Variants in NECAB1 observed in about 807,000 individuals in gnomAD.
The protein encoded by NECAB1 is N-terminal EF-hand calcium-binding protein 1.
A neutral mutation model predicts 57.5 loss-of-function variants in NECAB1; 29 were observed. The ratio of observed to expected loss-of-function variants is 0.50; its 90% CI spans 0.38 to 0.69. The LOEUF is 0.69. NECAB1 is among the 30% of genes least tolerant of loss of function. The probability of loss-of-function intolerance (pLI) is 0.00; values close to 1 mark genes in which losing one functional copy is unlikely to be tolerated. For missense variants in NECAB1, 372 were observed against 413.8 expected (o/e 0.90, Z 0.88); for synonymous variants, 142 against 147.7 (o/e 0.96, Z 0.28).
At chr8:90,953,402 A>G (rs1478956231) in intron 12 of NECAB1, among the ~76,000 whole-genome samples, 1 of 152,232 alleles carries the variant, frequency 6.6e-6, no homozygotes, top group Non-Finnish European at 1.5e-5. Context: ...AAAACTGACT[A>G]CAGATAAAAC....
chr8:90,794,603 T>G (rs28656409), intron 1 of NECAB1, among the ~76,000 whole-genome samples: 3,115 of 152,260 alleles, frequency 0.02, 45 homozygotes, highest in Non-Finnish European at 0.032. Context: ...TAGAGACAGA[T>G]TTTAACAAGA....
At chr8:90,797,037 A>C (rs1323236093) in intron 1 of NECAB1, among the ~76,000 whole-genome samples, 1 of 152,214 alleles carries the variant, frequency 6.6e-6, no homozygotes, top group East Asian at 1.9e-4. Flanking sequence ...GAATGAACCA[A>C]AAGTAAGAAA....
chr8:90,793,432 A>G (rs753512406), intron 1 of NECAB1, among the ~76,000 whole-genome samples: 6 of 152,066 alleles, frequency 3.9e-5, no homozygotes, highest in Non-Finnish European at 8.8e-5. Flanking sequence ...CAGCCACCCA[A>G]TCAGGTGGTT....
chr8:90,939,561 T>C (rs1035883710), intron 9 of NECAB1, among the ~76,000 whole-genome samples: 6 of 152,212 alleles, frequency 3.9e-5, no homozygotes, highest in African/African-American at 1.4e-4. Context: ...GATGTATTTA[T>C]ATATCTCATT....
chr8:90,804,121 G>A (rs1262958045), intron 2 of NECAB1, among the ~76,000 whole-genome samples: 1 of 152,152 alleles, frequency 6.6e-6, no homozygotes, highest in African/African-American at 2.4e-5. Context: ...TGCCCAGCCA[G>A]TGCTAGATGC....
chr8:90,836,579 T>C (rs1812373347), intron 3 of NECAB1, among the ~76,000 whole-genome samples: 1 of 152,180 alleles, frequency 6.6e-6, no homozygotes, highest in Non-Finnish European at 1.5e-5. Context: ...TCTTCCACCA[T>C]CCTCATTGCT....
intron 10 of NECAB1, among the ~76,000 whole-genome samples, chr8:90,945,184 C>T (rs186530266): frequency 2.0e-5 from 3 of 152,318 alleles, no homozygotes; most frequent in East Asian, 3.9e-4. Context: ...TCTCCTGCCT[C>T]GGCCTCCCAA....
chr8:90,814,565 A>G (rs1812026293), intron 2 of NECAB1, among the ~76,000 whole-genome samples: 3 of 152,186 alleles, frequency 2.0e-5, no homozygotes, highest in African/African-American at 4.8e-5. Context: ...AACATTATGG[A>G]CACATGGATA....
At chr8:90,809,317 G>A (rs577481530) in intron 2 of NECAB1, among the ~76,000 whole-genome samples, 14 of 152,074 alleles carry the variant, frequency 9.2e-5, no homozygotes, top group Middle Eastern at 6.8e-3. Flanking sequence ...CTATTAGCAG[G>A]GCCTGTTGGC....
intron 2 of NECAB1, among the ~76,000 whole-genome samples, chr8:90,814,137 G>C (rs1301030250): frequency 1.3e-5 from 2 of 152,152 alleles, no homozygotes; most frequent in Admixed American, 1.3e-4. Context: ...TGATAATCTT[G>C]ACAAGTTTCA....
At chr8:90,811,679 A>G (rs944531946) in intron 2 of NECAB1, among the ~76,000 whole-genome samples, 2 of 152,122 alleles carry the variant, frequency 1.3e-5, no homozygotes, top group Non-Finnish European at 2.9e-5. Flanking sequence ...CTCTTTATCT[A>G]TCTCCTTTCT....
chr8:90,949,821 A>G lies in NECAB1; in HGVS notation c.875A>G (p.Lys292Arg). Reference protein sequence around the residue: ...QSGCLRISIQKLSNESRYMIY... With the variant: ...QSGCLRISIQRLSNESRYMIY... ...TTCCATTTCAGTATTTCTATACAGAAGCTTTCAAATGAATCTCGCTACATG... is the reference window on the plus strand; with the variant it reads ...TTCCATTTCAGTATTTCTATACAGAGGCTTTCAAATGAATCTCGCTACATG... Residue 292 changes from lysine (K) to arginine (R), a missense_variant, in exon 11 of 13, where the codon AAG becomes AGG. Lys to Arg is a conservative substitution (Grantham distance 26). Transcript: ENST00000417640. 1 of 1,604,092 alleles carries G rather than the reference A, an allele frequency of 6.2e-7. No homozygotes were observed. Among genetic ancestry groups the G allele is most frequent in the Non-Finnish European group, 8.5e-7 (1 of 1,172,602 alleles).
chr8:90,816,065 C>T (rs1316984334), intron 2 of NECAB1, among the ~76,000 whole-genome samples: 3 of 151,734 alleles, frequency 2.0e-5, no homozygotes, highest in African/African-American at 7.3e-5. Context: ...CAGTTTTTTT[C>T]AGGTTTTGTA....
chr8:90,810,794 T>C (rs1334093958), intron 2 of NECAB1, among the ~76,000 whole-genome samples: 2 of 152,286 alleles, frequency 1.3e-5, no homozygotes, highest in East Asian at 3.9e-4. Flanking sequence ...CACATGGATT[T>C]GAGAAAACTT....
chr8:90,945,072 A>T (rs569860031), intron 10 of NECAB1, among the ~76,000 whole-genome samples: 80 of 150,310 alleles, frequency 5.3e-4, no homozygotes, highest in African/African-American at 1.7e-3. Context: ...TAATTTATTT[A>T]TTTTTTTTTG....
intron 3 of NECAB1, among the ~76,000 whole-genome samples, chr8:90,830,693 C>T (rs1019569222): frequency 1.3e-5 from 2 of 152,048 alleles, no homozygotes; most frequent in Admixed American, 6.6e-5. Flanking sequence ...TTTGTCCAGG[C>T]TTTAAGTAGC....
At chr8:90,842,489 C>G (rs1310502761) in intron 3 of NECAB1, among the ~76,000 whole-genome samples, 2 of 152,188 alleles carry the variant, frequency 1.3e-5, no homozygotes, top group Non-Finnish European at 2.9e-5. Flanking sequence ...CATCAGCAGG[C>G]TTTCAAGGAC....
intron 3 of NECAB1, among the ~76,000 whole-genome samples, chr8:90,846,866 A>G (rs1358647662): frequency 6.6e-6 from 1 of 152,134 alleles, no homozygotes; most frequent in African/African-American, 2.4e-5. Context: ...ATTACCTCCC[A>G]CCCTGGATCC....
At chr8:90,823,935 T>C (rs1044093811) in intron 2 of NECAB1, among the ~76,000 whole-genome samples, 1 of 151,800 alleles carries the variant, frequency 6.6e-6, no homozygotes, top group Non-Finnish European at 1.5e-5. Context: ...TGCCTGTTAT[T>C]AATGTGTTTC....
Sources: allele counts gnomAD v4.1 joint callset (sites outside exome capture counted in the v4.1 genomes callset), GRCh38; gene constraint gnomAD v4.1.1; transcripts MANE v1.5; gene names NCBI Gene and HGNC (gene_info 2026-07-23, HGNC 2026-07-21).